Variants in COL17A1 observed in about 807,000 individuals in gnomAD.
COL17A1 encodes collagen type XVII alpha 1 chain.
COL17A1 carries 181 observed loss-of-function variants against 218.4 expected under a neutral mutation model. The observed-to-expected ratio is 0.83, with a 90% CI of 0.73 to 0.94. The LOEUF is 0.94. Among genes scored for constraint, COL17A1 ranks in the 40% least tolerant of loss-of-function variants. COL17A1 has a pLI of 0.00. For synonymous variants in COL17A1, 721 were observed against 731.0 expected (o/e 0.99, Z 0.22); for missense variants, 1,924 against 1,945.9 (o/e 0.99, Z 0.21).
At chr10:104,039,341 G>T in intron 43 of COL17A1, 104 bp downstream of exon 43, 2 of 1,324,042 alleles carry the variant, frequency 1.5e-6, no homozygotes, top group East Asian at 2.3e-5. Context: ...TCTCTCCCAA[G>T]ACTTTACACT....
At chr10:104,037,138 ACCTGCTTAGCAGGTACTGAAGCAACAC>A in intron 46 of COL17A1, 25 bp from the exon 47 acceptor site, 1 of 1,588,056 alleles carries the variant, frequency 6.3e-7, no homozygotes, top group Non-Finnish European at 8.6e-7. Context: ...ACCTCAGGTT[ACCTGCTTAGCAGGTACTGAAGCAACAC>A]CCTCACTATT....
chr10:104,056,999 G>T lies in COL17A1; in HGVS notation c.1441C>A (p.Leu481Met). 1 of 1,586,094 alleles carries T rather than the reference G, an allele frequency of 6.3e-7. No individual in the cohort carries two copies. The highest frequency in any genetic ancestry group is 8.6e-7 in the Non-Finnish European group (1 of 1,166,692). The change falls in exon 17 of 56, where the codon CTG becomes ATG. Residue 481 changes from leucine (L) to methionine (M), a missense_variant. Physicochemically the swap from Leu to Met is conservative, Grantham distance 15. Coordinates refer to ENST00000648076, the MANE Select transcript of COL17A1 (RefSeq NM_000494.4). ...CCCAGAGCAATGAGGCCGAAGAGCAGCCCCAGGAGTAGCAGCCAGGTGAGC... is the reference window on the plus strand; with the variant it reads ...CCCAGAGCAATGAGGCCGAAGAGCATCCCCAGGAGTAGCAGCCAGGTGAGC... ...LLLTWLLLLGLLFGLIALAEE... is the reference protein window; with the variant it reads ...LLLTWLLLLGMLFGLIALAEE...
At position 104,078,533 on chromosome 10, in the gene COL17A1, GTTAC is replaced by G. The variant is rs752923315; in HGVS notation, c.97+5_97+8del. On this transcript the variant is annotated splice_donor_5th_base_variant and intron_variant, in intron 3 of 55. Coordinates refer to ENST00000648076, the MANE Select transcript of COL17A1 (RefSeq NM_000494.4). ...TACTGAAAAGAAAGCTATTGAGGTA[GTTAC>G]TTACTTGGTGGTAAGGATGTAAGTC... The G allele has an allele frequency of 1.2e-6, 2 of 1,614,168 alleles. No individual in the cohort carries two copies. The highest frequency in any genetic ancestry group is 1.1e-5 in the South Asian group (1 of 91,088).
intron 11 of COL17A1, among the ~76,000 whole-genome samples, chr10:104,063,138 A>G (rs532777416): frequency 6.6e-6 from 1 of 152,344 alleles, no homozygotes; most frequent in South Asian, 2.1e-4. Context: ...GGCCCACATC[A>G]TTATGTTTAT....
Position 104,078,586 on chromosome 10 carries a change from A to G in COL17A1, c.53T>C (p.Ile18Thr), listed in dbSNP as rs1439368339. The change falls in exon 3 of 56, where the codon ATT (isoleucine) becomes ACT (threonine). Residue 18 changes from isoleucine (I) to threonine (T), a missense_variant and splice_region_variant. Ile to Thr is a moderately conservative substitution (Grantham distance 89). Transcript: ENST00000648076. ...KRDGTEVTER[I>T]VTETVTTRLT... ...TCTTGTGGTTACTGTTTCAGTGACA[A>G]CTAGAAAAAGACAAAGAAAAGATGA... 1 of 1,614,032 alleles carries G rather than the reference A, an allele frequency of 6.2e-7. No homozygotes were observed. The highest frequency in any genetic ancestry group is 8.5e-7 in the Non-Finnish European group (1 of 1,180,024).
At chr10:104,071,399 C>A (rs115745318) in intron 8 of COL17A1, among the ~76,000 whole-genome samples, 351 of 152,294 alleles carry the variant, frequency 2.3e-3, no homozygotes, top group African/African-American at 8.1e-3. Flanking sequence ...CATGTTCTTT[C>A]TTCTACTCCT....
chr10:104,055,712 C>A, intron 18 of COL17A1, 70 bp downstream of exon 18: 1 of 1,589,810 alleles, frequency 6.3e-7, no homozygotes, highest in South Asian at 1.1e-5. Flanking sequence ...AGCACATGCA[C>A]ACATACCACA....
intron 16 of COL17A1, among the ~76,000 whole-genome samples, chr10:104,057,772 A>G (rs1004414781): frequency 2.7e-4 from 41 of 152,142 alleles, no homozygotes; most frequent in African/African-American, 9.4e-4. Flanking sequence ...CGGCGGTGGA[A>G]GGAAATGAGG....
intron 11 of COL17A1, chr10:104,063,432 C>A (rs2086599731): frequency 2.7e-6 from 1 of 373,246 alleles, no homozygotes; most frequent in African/African-American, 2.1e-5. Flanking sequence ...TCTAAATTAA[C>A]AATGCCTTTA....
intron 5 of COL17A1, among the ~76,000 whole-genome samples, chr10:104,074,983 C>G (rs1186231991): frequency 1.3e-5 from 2 of 152,222 alleles, no homozygotes; most frequent in Non-Finnish European, 2.9e-5. Context: ...TCTTCTACGA[C>G]TCCTTCTTGA....
chr10:104,058,103 C>A, intron 16 of COL17A1, 43 bp downstream of exon 16: 1 of 1,613,322 alleles, frequency 6.2e-7, no homozygotes, highest in Non-Finnish European at 8.5e-7. Context: ...CATAAGCAGC[C>A]CCACTGGATC....
chr10:104,052,208 C>G lies in COL17A1; in HGVS notation c.1949G>C (p.Gly650Ala), dbSNP rs768533298. 5.0e-6 allele frequency: 8 copies of G among 1,614,126 alleles called. No homozygotes were observed. In the South Asian group the frequency reaches 6.6e-5, roughly 13 times the overall value. Reference sequence around the variant, plus strand: ...AGGTGGGCCATGAGGACCTGGTTCACCAGCAGCCCCTGAGGAGAAATGGAG... The same window carrying G: ...AGGTGGGCCATGAGGACCTGGTTCAGCAGCAGCCCCTGAGGAGAAATGGAG... The part of the protein sequence containing the change: ...SGEKGERGAA[G>A]EPGPHGPPGV... Residue 650 changes from glycine to alanine, a missense_variant, in exon 24 of 56, where the codon GGT becomes GCT. Gly to Ala is a moderately conservative substitution (Grantham distance 60). Transcript: ENST00000648076.
intron 48 of COL17A1, 122 bp downstream of exon 48, chr10:104,036,370 G>A (rs1199357847): frequency 1.5e-6 from 2 of 1,373,026 alleles, no homozygotes; most frequent in Non-Finnish European, 1.0e-6. Context: ...ACTGCTCATT[G>A]CTGGGGTTGG....
chr10:104,052,996 T>C (rs1247321006), intron 23 of COL17A1, 35 bp downstream of exon 23: 1 of 1,600,154 alleles, frequency 6.2e-7, no homozygotes, highest in East Asian at 2.2e-5. Context: ...AGCACAGGCA[T>C]AGCTAACTCT....
chr10:104,049,550 C>T, intron 28 of COL17A1, 79 bp from the exon 29 acceptor site: 2 of 1,469,686 alleles, frequency 1.4e-6, no homozygotes, highest in South Asian at 1.1e-5. Flanking sequence ...CTCCCTCCTC[C>T]AAGAGGTCAA....
intron 45 of COL17A1, among the ~76,000 whole-genome samples, 169 bp downstream of exon 45, chr10:104,038,223 GACACACATACACAC>G (rs1258063965): frequency 2.6e-4 from 33 of 126,670 alleles, no homozygotes; most frequent in South Asian, 7.9e-4. Flanking sequence ...TGGACACATA[GACACACATACACAC>G]ACACACACAC....
chr10:104,057,085 G>A lies in COL17A1; in HGVS notation c.1355C>T (p.Ala452Val), dbSNP rs770348291. 9 of 1,611,306 alleles carry A rather than the reference G, an allele frequency of 5.6e-6. No individual in the cohort carries two copies. Among genetic ancestry groups the A allele is most frequent in the Admixed American group, 1.7e-5 (1 of 59,794 alleles). The part of the protein sequence containing the change: ...GGAGGGPWGP[A>V]PAWCPCGSCC... Reference sequence around the variant, plus strand: ...GGAGCCGCAGGGGCACCAGGCTGGCGCTGGTCCCCAAGGGCCGCCGCCAGC... The same window carrying A: ...GGAGCCGCAGGGGCACCAGGCTGGCACTGGTCCCCAAGGGCCGCCGCCAGC... The change falls in exon 17 of 56, where the codon GCG (alanine) becomes GTG (valine). Residue 452 changes from alanine (A) to valine (V), a missense_variant. Coordinates refer to ENST00000648076, the MANE Select transcript of COL17A1 (RefSeq NM_000494.4).
chr10:104,036,132 A>AGTATGGGAGTGTGAGTATGGG (rs1564671418), intron 48 of COL17A1, among the ~76,000 whole-genome samples: 7 of 246 alleles, frequency 0.028, 3 homozygotes, highest in Non-Finnish European at 0.03. Context: ...GTGTGTGTAT[A>AGTATGGGAGTGTGAGTATGGG]TGTGTGTGTA....
intron 54 of COL17A1, 65 bp downstream of exon 54, chr10:104,032,841 C>G: frequency 3.7e-6 from 6 of 1,611,374 alleles, no homozygotes; most frequent in Non-Finnish European, 5.1e-6. Context: ...AGCACAGGAG[C>G]TGCTTTTCAG....
Sources: gnomAD v4.1 joint callset for allele counts (sites outside exome capture counted in the v4.1 genomes callset) on GRCh38, gnomAD v4.1.1 for gene constraint, MANE v1.5 for transcripts, NCBI Gene and HGNC (gene_info 2026-07-23, HGNC 2026-07-21) for gene names.